The following ZYG11B variants were observed in gnomAD, a reference collection of about 807,000 sequenced individuals.
ZYG11B encodes zyg-11 family member B, cell cycle regulator.
In ZYG11B, 36 loss-of-function variants were observed where a neutral mutation model predicts 82.4. That is an observed-to-expected ratio of 0.44 (90% CI 0.33 to 0.58). The LOEUF (loss-of-function observed/expected upper bound fraction) is 0.58. Ranked by LOEUF, ZYG11B falls within the 20% of genes least tolerant of loss-of-function variation. ZYG11B has a pLI of 0.02. For missense variants in ZYG11B, 552 were observed against 895.6 expected, an observed-to-expected ratio of 0.62 and a Z score of 4.90; for synonymous variants, 303 against 312.8, an observed-to-expected ratio of 0.97 and a Z score of 0.33.
In ZYG11B at chr1:52,743,661, G is replaced by A. The variant is rs1041323616; in HGVS notation, c.31-12797G>A. ...GATTCCAGGAAATTGAGACTGCAGT[G>A]AGCTATGATCACACTACTGTACTCC... On this transcript the variant is annotated intron_variant, in intron 1 of 13. Coordinates refer to ENST00000294353, the MANE Select transcript of ZYG11B (RefSeq NM_024646.3). Among the ~76,000 whole-genome samples, 77 of 151,994 alleles carry A rather than the reference G, an allele frequency of 5.1e-4. 2 individuals are homozygous for A. The highest frequency in any genetic ancestry group is 5.1e-3 in the Admixed American group (77 of 15,240).
rs184756656 is a variant in ZYG11B at position 52,803,211 on chromosome 1, C to T, written c.1695+1072C>T. Among the ~76,000 whole-genome samples, 69 of 73,218 alleles carry T rather than the reference C, an allele frequency of 9.4e-4. 1 individual carries two copies. The highest frequency in any genetic ancestry group is 1.6e-3 in the African/African-American group (16 of 9,944). 48.0% of individuals were successfully genotyped at this position (73,218 alleles called of 152,430 possible). A position where few individuals can be genotyped will look rare whatever the true frequency, so the allele number is the denominator to read the frequency against. On this transcript the variant is annotated intron_variant, in intron 10 of 13. Transcript: ENST00000294353. Reference sequence around the variant, plus strand: ...ATACACATATATATATATACACACACATATATATATATACACACATATATA... The same window carrying T: ...ATACACATATATATATATACACACATATATATATATATACACACATATATA...
intron 3 of ZYG11B, among the ~76,000 whole-genome samples, chr1:52,773,627 ATTTTTTTTTTTTTTTTTT>A (rs560456264): frequency 6.8e-5 from 2 of 29,244 alleles, no homozygotes; most frequent in East Asian, 4.2e-3. Flanking sequence ...ATATATATAT[ATTTTTTTTTTTTTTTTTT>A]TTTTTTTTTT....
intron 4 of ZYG11B, among the ~76,000 whole-genome samples, chr1:52,783,830 A>G (rs1260854021): frequency 8.2e-5 from 6 of 73,086 alleles, no homozygotes; most frequent in Non-Finnish European, 1.4e-4. Flanking sequence ...ATGTATACAT[A>G]CGTGTGTATA....
intron 1 of ZYG11B, among the ~76,000 whole-genome samples, chr1:52,751,961 T>A (rs961890460): frequency 6.6e-6 from 1 of 150,972 alleles, no homozygotes; most frequent in Non-Finnish European, 1.5e-5. Context: ...TGACCAGATG[T>A]GTGGTTTTTT....
At position 52,771,814 on chromosome 1, in the gene ZYG11B, A is replaced by T. The variant is rs779446441; in HGVS notation, c.951+40A>T. 1.3e-6 allele frequency: 2 copies of T among 1,566,596 alleles called. No individual in the cohort carries two copies. Among genetic ancestry groups the T allele is most frequent in the Admixed American group, 3.8e-5 (2 of 52,976 alleles). On this transcript the variant is annotated intron_variant, in intron 3 of 13. Coordinates refer to ENST00000294353, the MANE Select transcript of ZYG11B (RefSeq NM_024646.3). This position sits in a 1 kb window ranked among gnomAD's most constrained non-coding sequence, Gnocchi z 5.4. The stretch of plus-strand genomic sequence containing the variant: ...ATGTATTATTTTGTCAGGCTGACCA[A>T]TATCTTAGTTGCATAAGACTCTATT...
At chr1:52,789,929 A>G (rs1163026704) in intron 5 of ZYG11B, 74 bp from the exon 6 acceptor site, 4 of 916,804 alleles carry the variant, frequency 4.4e-6, no homozygotes, top group Non-Finnish European at 4.6e-6. Context: ...TTTTTTTTTT[A>G]TGGAAGCTAC....
chr1:52,741,377 G>A (rs777777933), intron 1 of ZYG11B, among the ~76,000 whole-genome samples: 20 of 151,400 alleles, frequency 1.3e-4, no homozygotes, highest in Non-Finnish European at 2.2e-4. Flanking sequence ...TTTCCATGGA[G>A]TATTACGATG....
At chr1:52,816,230 T>A (rs1645222737) in intron 12 of ZYG11B, among the ~76,000 whole-genome samples, 1 of 152,134 alleles carries the variant, frequency 6.6e-6, no homozygotes, top group Non-Finnish European at 1.5e-5. Context: ...TATTTCTTAG[T>A]TTCCAAACCA....
intron 2 of ZYG11B, among the ~76,000 whole-genome samples, chr1:52,761,650 G>A (rs1003409500): frequency 3.3e-5 from 5 of 152,154 alleles, no homozygotes; most frequent in Admixed American, 2.0e-4. Flanking sequence ...TAAACACGGG[G>A]TACAGATGTC....
Position 52,774,787 on chromosome 1 carries a change from C to T in ZYG11B, c.951+3013C>T, listed in dbSNP as rs138697815. On this transcript the variant is annotated intron_variant, in intron 3 of 13. Transcript: ENST00000294353. ...TCAGTATTTCCCCACTCGATTTTCT[C>T]TTCTCACTATTTCCCTACTCAGTTT... Among the ~76,000 whole-genome samples the T allele has an allele frequency of 1.7e-4, 26 of 152,088 alleles. No individual in the cohort carries two copies. The East Asian group carries it at 4.8e-3, about 28-fold the overall frequency.
At chr1:52,819,741 G>C (rs777941819) in intron 13 of ZYG11B, among the ~76,000 whole-genome samples, 1 of 148,594 alleles carries the variant, frequency 6.7e-6, no homozygotes, top group Non-Finnish European at 1.5e-5. Flanking sequence ...AGCCGAGATC[G>C]CACCACTGCA....
intron 5 of ZYG11B, among the ~76,000 whole-genome samples, chr1:52,787,300 C>G (rs1644920923): frequency 6.6e-6 from 1 of 152,116 alleles, no homozygotes; most frequent in African/African-American, 2.4e-5. Flanking sequence ...CAGAAGAGTA[C>G]ATACATGTGA....
Position 52,783,914 on chromosome 1 carries a change from A to ATACATACATGTGTATATG in ZYG11B, c.1093-957_1093-956insCATGTGTATATGTACATA, listed in dbSNP as rs1553260846. Among the ~76,000 whole-genome samples, 273 of 116,786 alleles carry ATACATACATGTGTATATG rather than the reference A, an allele frequency of 2.3e-3. 3 individuals are homozygous for ATACATACATGTGTATATG. Among genetic ancestry groups the ATACATACATGTGTATATG allele is most frequent in the African/African-American group, 9.9e-3 (258 of 26,142 alleles). 76.6% of individuals were successfully genotyped at this position (116,786 alleles called of 152,430 possible). On this transcript the variant is annotated intron_variant, in intron 4 of 13. Transcript: ENST00000294353. ...CATACACGTGTGTGTATATACATCT[A>ATACATACATGTGTATATG]TACATATATGTGTATATACATCTAT...
intron 6 of ZYG11B, among the ~76,000 whole-genome samples, chr1:52,795,485 A>G (rs1021704553): frequency 6.6e-6 from 1 of 152,024 alleles, no homozygotes; most frequent in Non-Finnish European, 1.5e-5. Context: ...CTCTCACTTT[A>G]TCTCTCAGAA....
chr1:52,739,815 G>A (rs777529792), intron 1 of ZYG11B, among the ~76,000 whole-genome samples: 9 of 151,472 alleles, frequency 5.9e-5, no homozygotes, highest in Non-Finnish European at 8.8e-5. Context: ...CATGTTGGCC[G>A]GGCTGGTCTT....
intron 1 of ZYG11B, among the ~76,000 whole-genome samples, chr1:52,728,136 A>G (rs1436893825): frequency 6.6e-6 from 1 of 152,186 alleles, no homozygotes; most frequent in Admixed American, 6.5e-5. Context: ...CTTACTTATT[A>G]TTCCAAGTGC....
At chr1:52,805,538 T>TA (rs963345458) in intron 10 of ZYG11B, 2 of 454,930 alleles carry the variant, frequency 4.4e-6, no homozygotes, top group African/African-American at 4.0e-5. Flanking sequence ...AAATTTATTT[T>TA]AAATATTTGT....
chr1:52,798,157 T>G (rs894912158), intron 8 of ZYG11B, among the ~76,000 whole-genome samples: 5 of 151,764 alleles, frequency 3.3e-5, no homozygotes, highest in African/African-American at 1.2e-4. Flanking sequence ...TTTGGTTATT[T>G]GTAAAGAAGT....
chr1:52,803,135 C>T (rs144692664), intron 10 of ZYG11B, among the ~76,000 whole-genome samples: 19,325 of 40,554 alleles, frequency 0.48, 3,911 homozygotes, highest in Middle Eastern at 0.58. Context: ...TATATATATA[C>T]ACACATATAT....
Sources: allele counts gnomAD v4.1 joint callset (sites outside exome capture counted in the v4.1 genomes callset), GRCh38; gene constraint gnomAD v4.1.1; non-coding constraint Gnocchi (gnomAD v3.1); transcripts MANE v1.5; gene names NCBI Gene and HGNC (gene_info 2026-07-23, HGNC 2026-07-21).